The following SLC28A1 variants were observed in gnomAD, a reference collection of about 807,000 sequenced individuals.
SLC28A1 encodes solute carrier family 28 member 1.
SLC28A1 carries 64 observed loss-of-function variants against 74.8 expected under a neutral mutation model. The ratio of observed to expected loss-of-function variants is 0.86; its 90% CI spans 0.70 to 1.05. SLC28A1 has a LOEUF of 1.05. Among genes scored for constraint, SLC28A1 ranks in the 50% least tolerant of loss-of-function variants. SLC28A1 has a pLI of 0.00. For synonymous variants in SLC28A1, 359 were observed against 335.0 expected, an observed-to-expected ratio of 1.07 and a Z score of -0.78; for missense variants, 828 against 822.8, an observed-to-expected ratio of 1.01 and a Z score of -0.08.
rs1965836845 is a variant in SLC28A1, at chr15:84,895,137, C to T, written c.461+14C>T. The T allele has an allele frequency of 2.5e-6, 4 of 1,613,416 alleles. No individual in the cohort carries two copies. Among genetic ancestry groups the T allele is most frequent in the East Asian group, 2.2e-5 (1 of 44,894 alleles). On this transcript the variant is annotated intron_variant, in intron 6 of 18. Coordinates refer to ENST00000394573, the MANE Select transcript of SLC28A1 (RefSeq NM_004213.5). The stretch of plus-strand genomic sequence containing the variant: ...CTGGTTTAAGAGGTGAGTGAGCTCA[C>T]AGCCCCGAGGCAGGGCAGGGGAGGG...
chr15:84,954,686 C>T, the SLC28A1 span, among the ~76,000 whole-genome samples: 1 of 152,164 alleles, frequency 6.6e-6, no homozygotes, highest in Non-Finnish European at 1.5e-5. Flanking sequence ...AGATACTTAA[C>T]CATTGTAGCA....
chr15:84,905,697 G>C, intron 8 of SLC28A1, 45 bp downstream of exon 8: 4 of 1,360,998 alleles, frequency 2.9e-6, no homozygotes, highest in Non-Finnish European at 4.2e-6. Context: ...TAGATTACTG[G>C]GAGTAGGGGA....
At chr15:84,961,305 G>A in the SLC28A1 span, among the ~76,000 whole-genome samples, 2 of 151,780 alleles carry the variant, frequency 1.3e-5, no homozygotes, top group Non-Finnish European at 2.9e-5. Flanking sequence ...GCAACCTCAG[G>A]TGACTCATTC....
chr15:84,908,599 A>G, intron 8 of SLC28A1, 119 bp from the exon 9 acceptor site: 1 of 776,946 alleles, frequency 1.3e-6, no homozygotes, highest in Non-Finnish European at 2.2e-6. Context: ...CCCCCCCCGG[A>G]TAAGGGCCTG....
chr15:84,954,148 T>G, the SLC28A1 span, among the ~76,000 whole-genome samples: 1 of 152,198 alleles, frequency 6.6e-6, no homozygotes, highest in East Asian at 1.9e-4. Flanking sequence ...GATTGATCTG[T>G]CAGGGACGTG....
At chr15:84,965,904 G>GC in the SLC28A1 span, among the ~76,000 whole-genome samples, 2 of 121,560 alleles carry the variant, frequency 1.6e-5, no homozygotes, top group African/African-American at 6.1e-5. Context: ...GAGGCGGGGA[G>GC]GGGGGGGAAA....
Position 84,945,164 on chromosome 15 carries a change from C to G in SLC28A1, c.1914C>G (p.Cys638Trp). The part of the protein sequence containing the change: ...PEFSPEALDN[C>W]CRFYNHTICA... ...TCAGCCCAGAGGCCCTGGACAACTGCTGTCGGTTTTACAACCACACGATCT... is the reference window on the plus strand; with the variant it reads ...TCAGCCCAGAGGCCCTGGACAACTGGTGTCGGTTTTACAACCACACGATCT... The change falls in exon 19 of 19, where the codon TGC becomes TGG. Residue 638 changes from cysteine (C) to tryptophan (W), a missense_variant. By Grantham distance (215) the Cys-to-Trp change is radical. This residue lies in a region of SLC28A1 where 53 missense variants were observed against 44.5 expected (regional missense o/e 1.19). Transcript: ENST00000394573. The G allele has an allele frequency of 6.2e-7, 1 of 1,614,104 alleles. No individual in the cohort carries two copies. The highest frequency in any genetic ancestry group is 8.5e-7 in the Non-Finnish European group (1 of 1,179,990).
Position 84,945,558 on chromosome 15 carries a change from G to T in SLC28A1, c.*358G>T. 2.9e-6 allele frequency: 1 copy of T among 346,526 alleles called. No homozygotes were observed. The highest frequency in any genetic ancestry group is 5.6e-6 in the Non-Finnish European group (1 of 178,026). The allele number at this position is 346,526 out of a possible 1,614,324, so 21.5% of individuals were successfully genotyped here. Reference sequence around the variant, plus strand: ...CACATGCCCCTTCCCTTCTGTTGTGGGCTGCACACCAAAGCCTCCTCCCCT... The same window carrying T: ...CACATGCCCCTTCCCTTCTGTTGTGTGCTGCACACCAAAGCCTCCTCCCCT... On this transcript the variant is annotated 3_prime_UTR_variant, in exon 19 of 19. Transcript: ENST00000394573.
chr15:84,893,236 G>A (rs920994510), intron 5 of SLC28A1, among the ~76,000 whole-genome samples: 13 of 152,100 alleles, frequency 8.5e-5, no homozygotes, highest in African/African-American at 2.7e-4. Context: ...CACCTTGTAG[G>A]GGTCTTGTGA....
At chr15:84,928,434 C>T (rs934442031) in intron 12 of SLC28A1, among the ~76,000 whole-genome samples, 1 of 151,864 alleles carries the variant, frequency 6.6e-6, no homozygotes, top group African/African-American at 2.4e-5. Context: ...CTTCCTTCCC[C>T]AGTCAGTTCC....
At chr15:84,897,753 G>C (rs139245785) in intron 6 of SLC28A1, among the ~76,000 whole-genome samples, 15 of 152,102 alleles carry the variant, frequency 9.9e-5, no homozygotes, top group Admixed American at 2.6e-4. Flanking sequence ...CTGTATATTT[G>C]TACCCATTAA....
chr15:84,929,888 C>T (rs558961413), intron 12 of SLC28A1, among the ~76,000 whole-genome samples: 6 of 152,218 alleles, frequency 3.9e-5, no homozygotes, highest in East Asian at 1.9e-4. Flanking sequence ...TATGGGCAGG[C>T]GTGGGCCCTG....
At chr15:84,924,664 T>G (rs929860008) in intron 12 of SLC28A1, among the ~76,000 whole-genome samples, 5 of 152,396 alleles carry the variant, frequency 3.3e-5, no homozygotes, top group African/African-American at 1.2e-4. Flanking sequence ...TACTGCATGG[T>G]GGGCAGAGGG....
chr15:84,895,202 G>A, intron 6 of SLC28A1, 79 bp downstream of exon 6: 4 of 1,588,074 alleles, frequency 2.5e-6, no homozygotes, highest in Non-Finnish European at 3.4e-6. Flanking sequence ...TATGGCCAGG[G>A]CTGGAGGAGG....
intron 15 of SLC28A1, among the ~76,000 whole-genome samples, chr15:84,938,250 T>G (rs1410084421): frequency 6.7e-6 from 1 of 149,846 alleles, no homozygotes; most frequent in Non-Finnish European, 1.5e-5. Flanking sequence ...AAGTTTCCCC[T>G]CACTGCTTAC....
At chr15:84,932,444 C>A (rs544489464) in intron 12 of SLC28A1, among the ~76,000 whole-genome samples, 55 of 152,280 alleles carry the variant, frequency 3.6e-4, no homozygotes, top group African/African-American at 1.3e-3. Flanking sequence ...GTTTTCACAG[C>A]GTGGCTCCCA....
rs544087153 is a variant in SLC28A1, at chr15:84,914,331, A to G, written c.796-4193A>G. Among the ~76,000 whole-genome samples, 351 of 152,174 alleles carry G rather than the reference A, an allele frequency of 2.3e-3. 2 individuals are homozygous for G. Among genetic ancestry groups the G allele is most frequent in the African/African-American group, 8.0e-3 (334 of 41,520 alleles). On this transcript the variant is annotated intron_variant, in intron 9 of 18. Coordinates refer to ENST00000394573, the MANE Select transcript of SLC28A1 (RefSeq NM_004213.5). Reference sequence around the variant, plus strand: ...AAAGGCTCCACCTCCTAATACCATCACCTAGGGAATTTGGTTTCAATATAT... The same window carrying G: ...AAAGGCTCCACCTCCTAATACCATCGCCTAGGGAATTTGGTTTCAATATAT...
intron 6 of SLC28A1, among the ~76,000 whole-genome samples, chr15:84,897,398 T>C (rs1028898621): frequency 6.6e-6 from 1 of 151,288 alleles, no homozygotes; most frequent in African/African-American, 2.4e-5. Context: ...AAAAAAAAAA[T>C]CCAAACCAAA....
chr15:84,965,565 G>A, the SLC28A1 span, among the ~76,000 whole-genome samples: 26,890 of 152,002 alleles, frequency 0.18, 2,922 homozygotes, highest in Admixed American at 0.3. Context: ...CCTCCTTTGC[G>A]GTGGATGGGG....
Sources: gnomAD v4.1 joint callset for allele counts (sites outside exome capture counted in the v4.1 genomes callset) on GRCh38, gnomAD v4.1.1 for gene constraint, gnomAD v4.1.1 regional missense constraint, MANE v1.5 for transcripts, NCBI Gene and HGNC (gene_info 2026-07-23, HGNC 2026-07-21) for gene names.